TIMP3: variants seen among roughly 807,000 people sequenced by gnomAD.
The protein encoded by TIMP3 is TIMP metallopeptidase inhibitor 3.
A neutral mutation model predicts 30.0 loss-of-function variants in TIMP3; 11 were observed. That is an observed-to-expected ratio of 0.37 (90% CI 0.23 to 0.61). TIMP3 has a LOEUF of 0.61. Ranked by LOEUF, TIMP3 falls within the 20% of genes least tolerant of loss-of-function variation. The pLI is 0.70. For synonymous variants in TIMP3, 112 were observed against 111.3 expected (o/e 1.01, Z -0.04); for missense variants, 181 against 276.8 (o/e 0.65, Z 2.45).
At chr22:32,820,644 G>A (rs569168954) in intron 1 of TIMP3, among the ~76,000 whole-genome samples, 7 of 152,226 alleles carry the variant, frequency 4.6e-5, no homozygotes, top group Non-Finnish European at 8.8e-5. Flanking sequence ...GCAGGGGCCC[G>A]GAGAAAACAA....
chr22:32,818,745 A>T lies in TIMP3; in HGVS notation c.121+16623A>T, dbSNP rs549702739. On this transcript the variant is annotated intron_variant, in intron 1 of 4. Transcript: ENST00000266085. Reference sequence around the variant, plus strand: ...TGTCACTGTGGCCGGCCTAGGGGGAAAGTCTCAGGATAAAACTGCTTCCAC... The same window carrying T: ...TGTCACTGTGGCCGGCCTAGGGGGATAGTCTCAGGATAAAACTGCTTCCAC... Among the ~76,000 whole-genome samples, 15 of 152,220 alleles carry T rather than the reference A, an allele frequency of 9.9e-5. No individual in the cohort carries two copies. The East Asian group carries it at 2.9e-3, about 29-fold the overall frequency.
chr22:32,848,463 C>A (rs1324545589), intron 1 of TIMP3, among the ~76,000 whole-genome samples: 4 of 152,216 alleles, frequency 2.6e-5, no homozygotes, highest in Non-Finnish European at 5.9e-5. Flanking sequence ...GATGCTAATA[C>A]TGCCCTTGTA....
At chr22:32,853,123 C>T (rs1449007796) in intron 2 of TIMP3, among the ~76,000 whole-genome samples, 3 of 152,186 alleles carry the variant, frequency 2.0e-5, no homozygotes, top group Non-Finnish European at 4.4e-5. Flanking sequence ...AGCAGGGTCT[C>T]GCCTTTGAAG....
At chr22:32,821,782 G>A (rs2047254034) in intron 1 of TIMP3, among the ~76,000 whole-genome samples, 2 of 152,130 alleles carry the variant, frequency 1.3e-5, no homozygotes, top group East Asian at 3.9e-4. Context: ...CTCAGTGGAG[G>A]GATACTTCCT....
chr22:32,808,779 T>G (rs2046833510), intron 1 of TIMP3, among the ~76,000 whole-genome samples: 1 of 152,208 alleles, frequency 6.6e-6, no homozygotes, highest in Non-Finnish European at 1.5e-5. Flanking sequence ...GCCCATATTT[T>G]AAGCATGCTG....
intron 2 of TIMP3, among the ~76,000 whole-genome samples, chr22:32,856,202 C>T (rs2048359462): frequency 6.6e-6 from 1 of 152,090 alleles, no homozygotes. Context: ...GACTCAGGTC[C>T]TAAGGTTGAC....
chr22:32,807,341 A>G (rs1363054045), intron 1 of TIMP3, among the ~76,000 whole-genome samples: 3 of 4,898 alleles, frequency 6.1e-4, no homozygotes, highest in Non-Finnish European at 1.1e-3. Context: ...TTTATATATA[A>G]TATATAAATA....
At chr22:32,814,253 G>T (rs1372757738) in intron 1 of TIMP3, among the ~76,000 whole-genome samples, 1 of 127,530 alleles carries the variant, frequency 7.8e-6, no homozygotes, top group Non-Finnish European at 1.7e-5. Flanking sequence ...AAGAAGGAAA[G>T]AAAGAAAGAG....
chr22:32,859,278 CA>C lies in TIMP3; in HGVS notation c.540del (p.Lys180AsnfsTer47). 1 of 1,614,158 alleles carries C rather than the reference CA, an allele frequency of 6.2e-7. No individual in the cohort carries two copies. Among genetic ancestry groups the C allele is most frequent in the Non-Finnish European group, 8.5e-7 (1 of 1,180,026 alleles). On this transcript the variant is annotated frameshift_variant, in exon 5 of 5. Coordinates refer to ENST00000266085, the MANE Select transcript of TIMP3 (RefSeq NM_000362.5). LOFTEE classifies it high-confidence loss of function. ...SNFGYPGYQS[K>X]HYACIRQKGG... is the part of the protein sequence containing the mutation. ...ATTTCGGTTACCCTGGCTACCAGTC[CA>C]AACACTACGCCTGCATCCGGCAGAA...
At chr22:32,838,233 T>C (rs937290551) in intron 1 of TIMP3, among the ~76,000 whole-genome samples, 1 of 152,140 alleles carries the variant, frequency 6.6e-6, no homozygotes, top group African/African-American at 2.4e-5. Flanking sequence ...AATCAATGAA[T>C]TTCAAGTGGA....
chr22:32,859,048 AT>A (rs2048458611), intron 4 of TIMP3, 131 bp from the exon 5 acceptor site: 15 of 805,184 alleles, frequency 1.9e-5, no homozygotes, highest in Non-Finnish European at 2.2e-5. Flanking sequence ...TATTTATATT[AT>A]GATCACTGAG....
intron 1 of TIMP3, among the ~76,000 whole-genome samples, chr22:32,835,355 G>C (rs190491986): frequency 5.8e-4 from 88 of 152,280 alleles, no homozygotes; most frequent in Non-Finnish European, 9.1e-4. Flanking sequence ...TGAGTGTATG[G>C]GGGCAGGGAA....
chr22:32,814,280 GGA>G (rs140839089), intron 1 of TIMP3, among the ~76,000 whole-genome samples: 8,084 of 32,954 alleles, frequency 0.25, 275 homozygotes, highest in Middle Eastern at 0.35. Flanking sequence ...AGGGAGAGAG[GGA>G]GAGAGGGAAG....
At chr22:32,834,296 G>A (rs1289544896) in intron 1 of TIMP3, among the ~76,000 whole-genome samples, 4 of 151,472 alleles carry the variant, frequency 2.6e-5, no homozygotes, top group Non-Finnish European at 5.9e-5. Context: ...GGGATTACAG[G>A]TGCCCTCCAC....
chr22:32,807,370 T>TTA (rs1457828240), intron 1 of TIMP3, among the ~76,000 whole-genome samples: 94 of 114,676 alleles, frequency 8.2e-4, no homozygotes, highest in South Asian at 4.6e-3. Context: ...ATAATATATA[T>TTA]TATATATAAT....
At chr22:32,847,819 G>A (rs2048111922) in intron 1 of TIMP3, among the ~76,000 whole-genome samples, 1 of 152,194 alleles carries the variant, frequency 6.6e-6, no homozygotes, top group Admixed American at 6.5e-5. Flanking sequence ...AGGGCTGAAG[G>A]AGTTCAATTT....
intron 1 of TIMP3, among the ~76,000 whole-genome samples, chr22:32,819,423 T>A (rs1280682462): frequency 1.3e-5 from 2 of 152,246 alleles, no homozygotes; most frequent in African/African-American, 4.8e-5. Context: ...TCTCATTTTT[T>A]ACCTTTTTTT....
intron 1 of TIMP3, among the ~76,000 whole-genome samples, chr22:32,814,040 A>G (rs892299914): frequency 5.9e-5 from 9 of 151,662 alleles, no homozygotes; most frequent in Non-Finnish European, 1.0e-4. Flanking sequence ...TAGGCATTCA[A>G]TAAAAGTATC....
At chr22:32,838,522 T>C (rs2047801359) in intron 1 of TIMP3, among the ~76,000 whole-genome samples, 1 of 152,138 alleles carries the variant, frequency 6.6e-6, no homozygotes, top group South Asian at 2.1e-4. Context: ...TCTTCATGTG[T>C]TGGTAGCTTT....
Sources: allele counts gnomAD v4.1 joint callset (sites outside exome capture counted in the v4.1 genomes callset), GRCh38; gene constraint gnomAD v4.1.1; transcripts MANE v1.5; gene names NCBI Gene and HGNC (gene_info 2026-07-23, HGNC 2026-07-21).